WDR81: variants seen among roughly 807,000 people sequenced by gnomAD.
WDR81 encodes WD repeat-containing protein 81.
WDR81 carries 92 observed loss-of-function variants against 140.8 expected under a neutral mutation model. That is an observed-to-expected ratio of 0.65 (90% CI 0.55 to 0.78). WDR81 has a LOEUF of 0.78. Ranked by LOEUF, WDR81 falls within the 30% of genes least tolerant of loss-of-function variation. The probability of loss-of-function intolerance (pLI) is 0.00; values close to 1 mark genes in which losing one functional copy is unlikely to be tolerated. For synonymous variants in WDR81, 1,183 were observed against 1,156.4 expected, an observed-to-expected ratio of 1.02 and a Z score of -0.47; for missense variants, 2,502 against 2,636.4, an observed-to-expected ratio of 0.95 and a Z score of 1.12.
rs377716394 is a variant in WDR81 at position 1,724,975 on chromosome 17, G to A, written c.16G>A (p.Gly6Arg). ...CCTGGAGGAGATGGCCCAGGGCAGC[G>A]GGGGGCGGGAAGGCGCTCTCAGAAC... is the stretch of plus-strand genomic sequence containing the variant. MAQGSGGREGALRTPA... is the reference protein window; with the variant it reads MAQGSRGREGALRTPA... The change falls in exon 1 of 10, where the codon GGG (glycine) becomes AGG (arginine). Residue 6 changes from glycine (G) to arginine (R), a missense_variant. Gly to Arg is a moderately radical substitution (Grantham distance 125). Coordinates refer to ENST00000409644, the MANE Select transcript of WDR81 (RefSeq NM_001163809.2). 2 of 1,455,282 alleles carry A rather than the reference G, an allele frequency of 1.4e-6. No homozygotes were observed. Among genetic ancestry groups the A allele is most frequent in the South Asian group, 2.8e-5 (2 of 70,326 alleles). The allele number at this position is 1,455,282 out of a possible 1,614,324, so 90.1% of individuals were successfully genotyped here. A position where few individuals can be genotyped will look rare whatever the true frequency, so the allele number is the denominator to read the frequency against.
Position 1,726,311 on chromosome 17 carries a change from A to C in WDR81, c.1352A>C (p.Tyr451Ser). The change falls in exon 1 of 10, where the codon TAT (tyrosine) becomes TCT (serine). Residue 451 changes from tyrosine to serine, a missense_variant. By Grantham distance (144) the Tyr-to-Ser change is moderately radical (BLOSUM62 -2). Around this residue, in one of 3 missense-constraint regions of WDR81, gnomAD observed 218 missense variants for 279.6 expected, o/e 0.78. Transcript: ENST00000409644. ...ISDVLSDITY[Y>S]VYKARRTPRS... is the part of the protein sequence containing the mutation. Reference sequence around the variant, plus strand: ...GACGTGCTCTCCGACATCACGTACTATGTGTACAAGGCTCGGCGCACGCCT... The same window carrying C: ...GACGTGCTCTCCGACATCACGTACTCTGTGTACAAGGCTCGGCGCACGCCT... 1 of 1,544,198 alleles carries C rather than the reference A, an allele frequency of 6.5e-7. No homozygotes were observed. Among genetic ancestry groups the C allele is most frequent in the Non-Finnish European group, 8.8e-7 (1 of 1,142,644 alleles).
Position 1,726,814 on chromosome 17 carries a change from C to A in WDR81, c.1855C>A (p.Arg619=). 4 of 1,549,608 alleles carry A rather than the reference C, an allele frequency of 2.6e-6. No homozygotes were observed. The highest frequency in any genetic ancestry group is 3.5e-6 in the Non-Finnish European group (4 of 1,146,868). Residue 619 remains arginine (R), a synonymous_variant, in exon 1 of 10, where the codon CGG becomes AGG. Coordinates refer to ENST00000409644, the MANE Select transcript of WDR81 (RefSeq NM_001163809.2). ...LVQTIQETTG[R]EDFTENPGQL... Reference sequence around the variant, plus strand: ...CCAGACCATCCAGGAGACCACAGGCCGGGAGGACTTCACGGAAAACCCGGG... The same window carrying A: ...CCAGACCATCCAGGAGACCACAGGCAGGGAGGACTTCACGGAAAACCCGGG...
At chr17:1,723,281 C>A, upstream of WDR81, among the ~76,000 whole-genome samples, 1 of 152,096 alleles carries the variant, frequency 6.6e-6, no homozygotes, top group East Asian at 1.9e-4. Flanking sequence ...TCTGTGGTAC[C>A]GCAGAGGCCA....
chr17:1,721,371 T>A (rs143646990), upstream of WDR81, among the ~76,000 whole-genome samples: 813 of 136,044 alleles, frequency 6.0e-3, 5 homozygotes, highest in African/African-American at 0.015. Context: ...AAAAAAAAAA[T>A]TAGCTGGGCT....
rs146629759 is a variant in WDR81 at position 1,733,657 on chromosome 17, C to T, written c.4620C>T (p.Pro1540=). 58 of 1,607,858 alleles carry T rather than the reference C, an allele frequency of 3.6e-5. 1 individual carries two copies. The Middle Eastern group carries it at 6.6e-4, about 18-fold the overall frequency. The change falls in exon 7 of 10, where the codon CCC becomes CCT. Residue 1540 remains proline, a synonymous_variant. Coordinates refer to ENST00000409644, the MANE Select transcript of WDR81 (RefSeq NM_001163809.2). ...SVEPTMPGTG[P]EWDPHGGGCP... is the part of the protein sequence containing the mutation. Reference sequence around the variant, plus strand: ...AGCCCACCATGCCCGGCACCGGGCCCGAGTGGGACCCCCATGGTGGGGGCT... The same window carrying T: ...AGCCCACCATGCCCGGCACCGGGCCTGAGTGGGACCCCCATGGTGGGGGCT...
rs1904842286 is a variant in WDR81 at position 1,736,131 on chromosome 17, C to T, written c.5418C>T (p.Ser1806=). 5.0e-6 allele frequency: 8 copies of T among 1,602,564 alleles called. No homozygotes were observed. Among genetic ancestry groups the T allele is most frequent in the Non-Finnish European group, 6.8e-6 (8 of 1,179,872 alleles). Residue 1806 remains serine (S), a synonymous_variant, in exon 9 of 10, where the codon TCC becomes TCT. Transcript: ENST00000409644. ...PSGRSVVAGF[S]SGFMVLLDTR... ...GCCGTAGTGTCGTGGCCGGCTTCTC[C>T]TCAGGCTTCATGGTGCTCCTGGACA... is the stretch of plus-strand genomic sequence containing the variant.
Position 1,736,041 on chromosome 17 carries a change from C to T in WDR81, c.5328C>T (p.His1776=), listed in dbSNP as rs373640255. 1.7e-4 allele frequency: 267 copies of T among 1,593,802 alleles called. No individual in the cohort carries two copies. Among genetic ancestry groups the T allele is most frequent in the Middle Eastern group, 5.1e-4 (3 of 5,890 alleles). The stretch of plus-strand genomic sequence containing the variant: ...GCTCAGCCGCCCTCTCCCTGCAGCA[C>T]GAGTTCCGACTGGGCGGTGGGCTGA... ...FVDCRKPGLQ[H]EFRLGGGLNP... Residue 1776 remains histidine, a splice_region_variant and synonymous_variant, in exon 9 of 10, where the codon CAC becomes CAT. Coordinates refer to ENST00000409644, the MANE Select transcript of WDR81 (RefSeq NM_001163809.2).
chr17:1,716,790 TGGAGCGGACCAA>T, intron 1 of WDR81: 2 of 845,812 alleles, frequency 2.4e-6, no homozygotes, highest in Non-Finnish European at 3.7e-6. Context: ...TAAGGAAAGG[TGGAGCGGACCAA>T]GGAGCAGGAG....
chr17:1,735,903 T>G lies in WDR81; in HGVS notation c.5326-136T>G. 1 of 1,388,742 alleles carries G rather than the reference T, an allele frequency of 7.2e-7. No homozygotes were observed. The highest frequency in any genetic ancestry group is 9.6e-7 in the Non-Finnish European group (1 of 1,043,730). The allele number at this position is 1,388,742 out of a possible 1,614,324, so 86.0% of individuals were successfully genotyped here. On this transcript the variant is annotated intron_variant, in intron 8 of 9. Coordinates refer to ENST00000409644, the MANE Select transcript of WDR81 (RefSeq NM_001163809.2). This position sits in a 1 kb window ranked among gnomAD's most constrained non-coding sequence, Gnocchi z 4.2. ...ACTCTGGCCTGTGATGGGGGTGGGG[T>G]TCTGGGCTTTTCATGCCCCCTGATG...
chr17:1,736,618 G>A (rs562013651), intron 9 of WDR81, among the ~76,000 whole-genome samples: 13 of 152,288 alleles, frequency 8.5e-5, no homozygotes, highest in East Asian at 5.8e-4. Context: ...CCTGTAGACC[G>A]CTGAGCAGAG....
rs778187192 is a variant in WDR81, at chr17:1,733,985, G to T, written c.4948G>T (p.Ala1650Ser). Residue 1650 changes from alanine to serine, a missense_variant, in exon 7 of 10, where the codon GCC (alanine) becomes TCC (serine). By Grantham distance (99) the Ala-to-Ser change is moderately conservative. This residue lies in a region of WDR81 where 1,737 missense variants were observed against 1,843.0 expected (regional missense o/e 0.94). Transcript: ENST00000409644. Reference sequence around the variant, plus strand: ...GCAGAGCTTCCCGGGCCACTCGGGGGCCGTCAAGTGCGTGGCACCCCTAAG... The same window carrying T: ...GCAGAGCTTCCCGGGCCACTCGGGGTCCGTCAAGTGCGTGGCACCCCTAAG... ...RLQSFPGHSGAVKCVAPLSSE... is the reference protein window; with the variant it reads ...RLQSFPGHSGSVKCVAPLSSE... 4.7e-5 allele frequency: 76 copies of T among 1,612,722 alleles called. No homozygotes were observed. The highest frequency in any genetic ancestry group is 6.0e-5 in the Non-Finnish European group (71 of 1,179,992).
rs1178533891 is a variant in WDR81, at chr17:1,727,250, A to C, written c.2291A>C (p.Gln764Pro). ...CGGGTCCAGCCGGCTGTGCCACTGC[A>C]GTGCCTACTCCACAGGGACATGCAG... ...QPRVQPAVPL[Q>P]CLLHRDMQAL... The change falls in exon 1 of 10, where the codon CAG (glutamine) becomes CCG (proline). Residue 764 changes from glutamine (Q) to proline (P), a missense_variant. Physicochemically the swap from Gln to Pro is moderately conservative, Grantham distance 76. Around this residue, in one of 3 missense-constraint regions of WDR81, gnomAD observed 1,737 missense variants for 1,843.0 expected, o/e 0.94. Transcript: ENST00000409644. The C allele has an allele frequency of 6.5e-7, 1 of 1,550,344 alleles. No individual in the cohort carries two copies. The highest frequency in any genetic ancestry group is 8.7e-7 in the Non-Finnish European group (1 of 1,146,968).
At chr17:1,736,974 G>A (rs761810100) in intron 9 of WDR81, among the ~76,000 whole-genome samples, 11 of 152,144 alleles carry the variant, frequency 7.2e-5, no homozygotes, top group Non-Finnish European at 1.6e-4. Flanking sequence ...GGTCAGCCTG[G>A]GTGTTAATCC....
In WDR81 at chr17:1,726,951, A is replaced by G; in HGVS notation, c.1992A>G (p.Glu664=). ...AGEDDLEQAT[E]ALDSISLAGK... is the part of the protein sequence containing the mutation. ...AAGACGACTTGGAACAGGCCACAGA[A>G]GCTCTGGATTCCATTTCCCTTGCTG... The change falls in exon 1 of 10, where the codon GAA becomes GAG. Residue 664 remains glutamate, a synonymous_variant. Transcript: ENST00000409644. The G allele has an allele frequency of 6.4e-7, 1 of 1,550,434 alleles. No individual in the cohort carries two copies. Among genetic ancestry groups the G allele is most frequent in the Non-Finnish European group, 8.7e-7 (1 of 1,146,972 alleles).
rs1904799692 is a variant in WDR81, at chr17:1,735,643, C to T, written c.5251C>T (p.Pro1751Ser). 1 of 1,612,826 alleles carries T rather than the reference C, an allele frequency of 6.2e-7. No homozygotes were observed. ...PLTAVAVMPA[P>S]HTSITMASSD... ...GACTGCGGTGGCTGTCATGCCCGCC[C>T]CCCACACCAGCATCACCATGGCCAG... The change falls in exon 8 of 10, where the codon CCC becomes TCC. Residue 1751 changes from proline to serine, a missense_variant. Physicochemically the swap from Pro to Ser is moderately conservative, Grantham distance 74 (BLOSUM62 -1). Transcript: ENST00000409644. This position sits in a 1 kb window ranked among gnomAD's most constrained non-coding sequence, Gnocchi z 4.2.
At position 1,726,436 on chromosome 17, in the gene WDR81, C is replaced by T; in HGVS notation, c.1477C>T (p.Pro493Ser). The T allele has an allele frequency of 6.5e-7, 1 of 1,549,020 alleles. No homozygotes were observed. The highest frequency in any genetic ancestry group is 1.2e-5 in the South Asian group (1 of 83,976). The change falls in exon 1 of 10, where the codon CCG becomes TCG. Residue 493 changes from proline (P) to serine (S), a missense_variant. Physicochemically the swap from Pro to Ser is moderately conservative, Grantham distance 74. Transcript: ENST00000409644. Reference sequence around the variant, plus strand: ...GAACTGGACCCCGGATGAGTGCATTCCGGAGTTCTACACCGATCCCTCTAT... The same window carrying T: ...GAACTGGACCCCGGATGAGTGCATTTCGGAGTTCTACACCGATCCCTCTAT... ...MQNWTPDECIPEFYTDPSIFR... is the reference protein window; with the variant it reads ...MQNWTPDECISEFYTDPSIFR...
At chr17:1,721,638 A>T (rs1285682839), upstream of WDR81, among the ~76,000 whole-genome samples, 3 of 151,588 alleles carry the variant, frequency 2.0e-5, no homozygotes, top group Non-Finnish European at 2.9e-5. Flanking sequence ...CCTGGGAAAC[A>T]TGGCAAAACC....
rs767708906 is a variant in WDR81, at chr17:1,734,103, C to A, written c.5066C>A (p.Pro1689Gln). The A allele has an allele frequency of 6.3e-7, 1 of 1,597,418 alleles. No homozygotes were observed. The highest frequency in any genetic ancestry group is 2.2e-5 in the East Asian group (1 of 44,690). The change falls in exon 7 of 10, where the codon CCA (proline) becomes CAA (glutamine). Residue 1689 changes from proline to glutamine, a missense_variant. Pro to Gln is a moderately conservative substitution (Grantham distance 76). Transcript: ENST00000409644. ...GGCGACGGGACCAGCGAGACGGCCC[C>A]ACGCCTCGTCTACACCCAGCACCGC... ...NYGDGTSETA[P>Q]RLVYTQHRKS...
chr17:1,724,290 G>A (rs1173383817), upstream of WDR81, among the ~76,000 whole-genome samples: 2 of 152,246 alleles, frequency 1.3e-5, no homozygotes, highest in African/African-American at 2.4e-5. Context: ...CTTGAACCCG[G>A]GAGGCAGAGG....
Sources: allele counts gnomAD v4.1 joint callset (sites outside exome capture counted in the v4.1 genomes callset), GRCh38; gene constraint gnomAD v4.1.1; regional missense constraint gnomAD v4.1.1; non-coding constraint Gnocchi (gnomAD v3.1); transcripts MANE v1.5; gene names NCBI Gene and HGNC (gene_info 2026-07-23, HGNC 2026-07-21).